ERICH1: variants seen among roughly 807,000 people sequenced by gnomAD.
The protein encoded by ERICH1 is glutamate rich 1, also known as glutamate-rich protein 1.
Under a neutral mutation model 39.6 loss-of-function variants are expected in ERICH1, and 56 were observed. That is an observed-to-expected ratio of 1.41 (90% CI 1.14 to 1.77). The LOEUF (loss-of-function observed/expected upper bound fraction) is 1.77. Ranked by LOEUF, ERICH1 falls within the 40% of genes most tolerant of loss-of-function variation. The pLI is 0.00. For synonymous variants in ERICH1, 313 were observed against 223.6 expected (o/e 1.40, Z -3.57); for missense variants, 826 against 575.4 (o/e 1.44, Z -4.45).
intron 2 of ERICH1, among the ~76,000 whole-genome samples, chr8:700,741 C>G (rs934333536): frequency 6.6e-6 from 1 of 152,252 alleles, no homozygotes; most frequent in African/African-American, 2.4e-5. Flanking sequence ...ATCGGATGGC[C>G]TCCTCCATGC....
chr8:615,174 T>C (rs1023193672), exon 4 of ERICH1: 8 of 642,780 alleles, frequency 1.2e-5, no homozygotes, highest in Admixed American at 5.5e-5. Flanking sequence ...AAGTCGAAAG[T>C]AGACAGTTCC....
chr8:701,025 T>C (rs1203187476), intron 2 of ERICH1, among the ~76,000 whole-genome samples: 1 of 152,254 alleles, frequency 6.6e-6, no homozygotes, highest in African/African-American at 2.4e-5. Flanking sequence ...ACAATGTGAA[T>C]TGTCCCCAAA....
intron 3 of ERICH1, among the ~76,000 whole-genome samples, chr8:692,146 G>C (rs1241786428): frequency 6.6e-6 from 1 of 152,092 alleles, no homozygotes; most frequent in Non-Finnish European, 1.5e-5. Context: ...GCTAAACCAA[G>C]ACAAGTACTG....
rs1370483016 is a variant in ERICH1, at chr8:731,034, G to T, written c.22+106C>A. The T allele has an allele frequency of 4.9e-5, 63 of 1,291,226 alleles. No individual in the cohort carries two copies. The East Asian group carries it at 2.0e-3, about 40-fold the overall frequency. The allele number at this position is 1,291,226 out of a possible 1,614,324, so 80.0% of individuals were successfully genotyped here. ...GGTGGGGAGTCGGTCTGGGTTTGGG[G>T]TGGGGCCTGGAAAGGGGCCGGGGTC... On this transcript the variant is annotated intron_variant, in intron 1 of 5. Coordinates refer to ENST00000262109, the MANE Select transcript of ERICH1 (RefSeq NM_207332.3).
intron 3 of ERICH1, among the ~76,000 whole-genome samples, chr8:675,321 GTGAGGACAGAGAC>G (rs1804494261): frequency 7.6e-4 from 1 of 1,322 alleles, no homozygotes; most frequent in African/African-American, 3.6e-3. Context: ...GCGGCCCCTC[GTGAGGACAGAGAC>G]GCGGCGCCCC....
chr8:715,715 T>A, intron 2 of ERICH1, 146 bp downstream of exon 2: 1 of 1,145,678 alleles, frequency 8.7e-7, no homozygotes, highest in Non-Finnish European at 1.2e-6. Flanking sequence ...TGGAGAGCGA[T>A]GCCTGCCCTG....
At chr8:722,091 C>T (rs528064364) in intron 1 of ERICH1, among the ~76,000 whole-genome samples, 28 of 152,218 alleles carry the variant, frequency 1.8e-4, no homozygotes, top group African/African-American at 6.7e-4. Flanking sequence ...GAGGCTGGTT[C>T]CATTCTCCTT....
chr8:688,446 G>A (rs897619484), intron 3 of ERICH1, among the ~76,000 whole-genome samples: 4 of 151,772 alleles, frequency 2.6e-5, no homozygotes, highest in African/African-American at 9.7e-5. Flanking sequence ...CGCCCATTCT[G>A]TAGGCCAGGC....
At chr8:651,918 T>C (rs1463356742) in intron 3 of ERICH1, among the ~76,000 whole-genome samples, 3 of 152,316 alleles carry the variant, frequency 2.0e-5, no homozygotes. Context: ...AAAGCCTTTT[T>C]CACAGAATGC....
rs1809116755 is a variant in ERICH1 at position 692,460 on chromosome 8, T to C, written c.304+18A>G. The C allele has an allele frequency of 6.2e-7, 1 of 1,613,840 alleles. No homozygotes were observed. The highest frequency in any genetic ancestry group is 1.3e-5 in the African/African-American group (1 of 74,900). The stretch of plus-strand genomic sequence containing the variant: ...TATCTGCAAAGATGTCTACCTTTCC[T>C]CCCACCCAGCATTTTACCTTCTGTG... On this transcript the variant is annotated intron_variant, in intron 3 of 5. Coordinates refer to ENST00000262109, the MANE Select transcript of ERICH1 (RefSeq NM_207332.3).
intron 2 of ERICH1, among the ~76,000 whole-genome samples, chr8:700,423 A>ACAC (rs1811775785): frequency 2.3e-5 from 2 of 86,124 alleles, no homozygotes; most frequent in African/African-American, 8.6e-5. Context: ...ACAGGCCCGC[A>ACAC]GACGCGCACA....
intron 2 of ERICH1, among the ~76,000 whole-genome samples, chr8:704,817 G>T (rs1303936881): frequency 3.3e-5 from 5 of 152,238 alleles, no homozygotes; most frequent in Non-Finnish European, 5.9e-5. Flanking sequence ...GACTCTGAAA[G>T]GGGGGGTGGT....
At chr8:654,819 A>C (rs1800412196) in intron 3 of ERICH1, among the ~76,000 whole-genome samples, 2 of 152,076 alleles carry the variant, frequency 1.3e-5, no homozygotes, top group Admixed American at 6.5e-5. Flanking sequence ...AGGTAGATAC[A>C]CCATGGGTTT....
intron 3 of ERICH1, among the ~76,000 whole-genome samples, chr8:675,886 G>A (rs1372748294): frequency 3.5e-5 from 1 of 28,290 alleles, no homozygotes; most frequent in Admixed American, 3.5e-4. Context: ...ACAGAGACGC[G>A]GCGCCCCCTC....
At chr8:699,914 C>T (rs1349203745) in intron 2 of ERICH1, among the ~76,000 whole-genome samples, 17 of 137,356 alleles carry the variant, frequency 1.2e-4, no homozygotes, top group Admixed American at 5.2e-4. Flanking sequence ...CGCACAGGCG[C>T]ACAGGCCCGC....
intron 3 of ERICH1, among the ~76,000 whole-genome samples, chr8:643,048 C>T (rs1441363934): frequency 6.6e-6 from 1 of 152,188 alleles, no homozygotes; most frequent in Non-Finnish European, 1.5e-5. Context: ...AGAGTCCTGT[C>T]ACATGGATAA....
At chr8:693,507 C>T (rs925544830) in intron 2 of ERICH1, among the ~76,000 whole-genome samples, 1 of 152,242 alleles carries the variant, frequency 6.6e-6, no homozygotes, top group Non-Finnish European at 1.5e-5. Context: ...CCACTGCAGA[C>T]GGCTGCTGGA....
Position 644,442 on chromosome 8 carries a change from C to T in ERICH1, c.976+24156G>A, listed in dbSNP as rs1449675433. 1.3e-4 allele frequency among the ~76,000 whole-genome samples: 2 copies of T among 15,202 alleles called. 1 individual carries two copies. The highest frequency in any genetic ancestry group is 2.3e-4 in the African/African-American group (2 of 8,730). 10.0% of individuals were successfully genotyped at this position (15,202 alleles called of 152,430 possible). ...TTTACTATGAAAGAGGAGACTTACC[C>T]GTGAGAGTCAAATAGCACAACCCAT... On this transcript the variant is annotated intron_variant, in intron 3 of 3. Transcript: ENST00000522706.
In ERICH1 at chr8:673,536, C is replaced by T. The variant is rs1803937296; in HGVS notation, c.816G>A (p.Glu272=). 1.2e-6 allele frequency: 2 copies of T among 1,612,008 alleles called. No individual in the cohort carries two copies. The highest frequency in any genetic ancestry group is 8.5e-7 in the Non-Finnish European group (1 of 1,179,768). Residue 272 remains glutamate (E), a synonymous_variant, in exon 4 of 6, where the codon GAG becomes GAA. Coordinates refer to ENST00000262109, the MANE Select transcript of ERICH1 (RefSeq NM_207332.3). ...GEEDVKDARE[E]DGVDTIEEDL... is the part of the protein sequence containing the mutation. ...CTTCCTCAATGGTGTCCACACCGTC[C>T]TCCTCCCTGGCGTCTTTAACGTCTT...
Sources: gnomAD v4.1 joint callset for allele counts (sites outside exome capture counted in the v4.1 genomes callset) on GRCh38, gnomAD v4.1.1 for gene constraint, MANE v1.5 for transcripts, NCBI Gene and HGNC (gene_info 2026-07-23, HGNC 2026-07-21) for gene names.